DPP10: variants seen among roughly 807,000 people sequenced by gnomAD.
The protein encoded by DPP10 is dipeptidyl peptidase like 10.
Under a neutral mutation model 120.9 loss-of-function variants are expected in DPP10, and 33 were observed. The observed-to-expected ratio is 0.27, with a 90% CI of 0.21 to 0.37. DPP10 has a LOEUF of 0.37. Ranked by LOEUF, DPP10 falls within the 10% of genes least tolerant of loss-of-function variation. The pLI, the probability that DPP10 is intolerant of heterozygous loss-of-function variation, is 1.00. For synonymous variants in DPP10, 337 were observed against 326.1 expected (o/e 1.03, Z -0.36); for missense variants, 816 against 942.8 (o/e 0.87, Z 1.76).
At chr2:114,825,235 T>A (rs1266513037) in intron 1 of DPP10, among the ~76,000 whole-genome samples, 1 of 152,194 alleles carries the variant, frequency 6.6e-6, no homozygotes, top group Non-Finnish European at 1.5e-5. Flanking sequence ...CCAAGATAAT[T>A]AGTTTAACAT....
At position 115,137,389 on chromosome 2, in the gene DPP10, G is replaced by C. The variant is rs567645756; in HGVS notation, c.61-171850G>C. Reference sequence around the variant, plus strand: ...AGCAATGGGTGTAACCTTGAGGAAGGGTTGCCCCTTGACAAACAGACTGGT... The same window carrying C: ...AGCAATGGGTGTAACCTTGAGGAAGCGTTGCCCCTTGACAAACAGACTGGT... On this transcript the variant is annotated intron_variant, in intron 1 of 25. Coordinates refer to ENST00000410059, the MANE Select transcript of DPP10 (RefSeq NM_020868.6). 2.6e-4 allele frequency among the ~76,000 whole-genome samples: 40 copies of C among 152,308 alleles called. 1 individual carries two copies. The South Asian group carries it at 5.4e-3, about 20-fold the overall frequency.
intron 1 of DPP10, among the ~76,000 whole-genome samples, chr2:115,151,715 A>G (rs868496797): frequency 6.4e-5 from 9 of 139,868 alleles, no homozygotes; most frequent in African/African-American, 2.3e-4. Context: ...TCAGTATTGA[A>G]TTTTTTTTTT....
intron 1 of DPP10, among the ~76,000 whole-genome samples, chr2:115,094,303 T>C (rs778496725): frequency 2.6e-5 from 4 of 152,160 alleles, no homozygotes; most frequent in Admixed American, 6.6e-5. Flanking sequence ...ACAAAAGCTC[T>C]GTGGATGTTA....
chr2:114,956,986 CA>C lies in DPP10; in HGVS notation c.61-352238del, dbSNP rs764400761. Among the ~76,000 whole-genome samples the C allele has an allele frequency of 9.8e-3, 1,047 of 106,928 alleles. 9 individuals carry two copies. Among genetic ancestry groups the C allele is most frequent in the African/African-American group, 0.021 (589 of 27,778 alleles). 70.1% of individuals were successfully genotyped at this position (106,928 alleles called of 152,430 possible). ...TAAGACCTAAAACTCTAAAACTATT[CA>C]AAAAAAAAAAAAAAGAGAAAACTGC... On this transcript the variant is annotated intron_variant, in intron 1 of 25. Transcript: ENST00000410059.
chr2:114,981,779 G>GTTTTT (rs35685856), intron 1 of DPP10, among the ~76,000 whole-genome samples: 1 of 145,782 alleles, frequency 6.9e-6, no homozygotes, highest in Non-Finnish European at 1.5e-5. Flanking sequence ...TTTTGTTTTT[G>GTTTTT]TTTTTTTTTT....
intron 1 of DPP10, among the ~76,000 whole-genome samples, chr2:115,028,145 G>A (rs1342392168): frequency 6.6e-6 from 1 of 151,578 alleles, no homozygotes; most frequent in African/African-American, 2.4e-5. Flanking sequence ...ACTAATTTAG[G>A]TTTTGGTTTA....
intron 1 of DPP10, among the ~76,000 whole-genome samples, chr2:114,618,882 G>A (rs1470696116): frequency 6.6e-6 from 1 of 151,920 alleles, no homozygotes; most frequent in Non-Finnish European, 1.5e-5. Context: ...AGGGAGCAGG[G>A]CGGCTTTGCG....
At chr2:114,566,310 G>GT (rs1267637827) in intron 1 of DPP10, among the ~76,000 whole-genome samples, 2 of 152,062 alleles carry the variant, frequency 1.3e-5, no homozygotes, top group Non-Finnish European at 2.9e-5. Context: ...GAAAAACACT[G>GT]TTTAAAATAA....
At chr2:115,183,043 G>A (rs984561221) in intron 1 of DPP10, among the ~76,000 whole-genome samples, 7 of 151,946 alleles carry the variant, frequency 4.6e-5, no homozygotes, top group Non-Finnish European at 4.4e-5. Context: ...ACGTGCATGC[G>A]CACACATGCA....
intron 19 of DPP10, among the ~76,000 whole-genome samples, chr2:115,812,089 A>G (rs1686707359): frequency 6.6e-6 from 1 of 152,182 alleles, no homozygotes; most frequent in Non-Finnish European, 1.5e-5. Context: ...ATATGGTAGT[A>G]TTGGCCATCA....
chr2:115,367,453 A>G (rs1185872766), intron 3 of DPP10, among the ~76,000 whole-genome samples: 1 of 152,068 alleles, frequency 6.6e-6, no homozygotes, highest in Non-Finnish European at 1.5e-5. Context: ...ACAATCTAAT[A>G]GAGCTTTTGG....
intron 1 of DPP10, among the ~76,000 whole-genome samples, chr2:115,183,293 T>G (rs1179388053): frequency 6.6e-6 from 1 of 152,178 alleles, no homozygotes; most frequent in Non-Finnish European, 1.5e-5. Flanking sequence ...AAAAAAAATG[T>G]CATTCTTCCA....
rs200402965 is a variant in DPP10, at chr2:114,881,606, A to G, written c.61-427633A>G. 4.8e-3 allele frequency among the ~76,000 whole-genome samples: 704 copies of G among 147,870 alleles called. 3 individuals are homozygous for G. The highest frequency in any genetic ancestry group is 0.016 in the African/African-American group (616 of 38,616). ...TGTCTGTCTGTCTGTCTGTCTATCT[A>G]TCTATCTATCTATCTATCTATCTAT... On this transcript the variant is annotated intron_variant, in intron 1 of 25. Coordinates refer to ENST00000410059, the MANE Select transcript of DPP10 (RefSeq NM_020868.6).
intron 1 of DPP10, among the ~76,000 whole-genome samples, chr2:114,483,514 CT>C (rs1681242584): frequency 6.6e-6 from 1 of 151,888 alleles, no homozygotes; most frequent in Non-Finnish European, 1.5e-5. Context: ...CCTGAAAGCG[CT>C]TTTTGGACAA....
intron 19 of DPP10, among the ~76,000 whole-genome samples, chr2:115,806,328 T>C (rs1200433564): frequency 6.6e-6 from 1 of 152,216 alleles, no homozygotes; most frequent in Non-Finnish European, 1.5e-5. Context: ...ATCTATGGTT[T>C]ATAATTTCTT....
chr2:115,373,366 T>C (rs190999508), intron 3 of DPP10, among the ~76,000 whole-genome samples: 1 of 152,306 alleles, frequency 6.6e-6, no homozygotes, highest in Admixed American at 6.5e-5. Flanking sequence ...GGAGTCAAAG[T>C]TAACATTTAT....
At chr2:115,778,854 C>T (rs755515731) in intron 15 of DPP10, among the ~76,000 whole-genome samples, 7 of 152,024 alleles carry the variant, frequency 4.6e-5, no homozygotes, top group Non-Finnish European at 7.4e-5. Flanking sequence ...TCCTGGAACG[C>T]ATGTTCTTAA....
At chr2:114,665,177 A>G (rs1449491402) in intron 1 of DPP10, among the ~76,000 whole-genome samples, 1 of 152,216 alleles carries the variant, frequency 6.6e-6, no homozygotes, top group Non-Finnish European at 1.5e-5. Flanking sequence ...ATGTTGCCAC[A>G]GTAAGTTGCT....
At chr2:114,766,925 A>G (rs960114096) in intron 1 of DPP10, among the ~76,000 whole-genome samples, 4 of 151,846 alleles carry the variant, frequency 2.6e-5, no homozygotes, top group African/African-American at 4.8e-5. Flanking sequence ...ACACACATAC[A>G]CACACGAGAG....
Sources: gnomAD v4.1 joint callset for allele counts (sites outside exome capture counted in the v4.1 genomes callset) on GRCh38, gnomAD v4.1.1 for gene constraint, MANE v1.5 for transcripts, NCBI Gene and HGNC (gene_info 2026-07-23, HGNC 2026-07-21) for gene names.